Variants in DDR2 observed in about 807,000 individuals in gnomAD.
DDR2 encodes discoidin domain-containing receptor 2.
DDR2 carries 27 observed loss-of-function variants against 94.9 expected under a neutral mutation model. That is an observed-to-expected ratio of 0.28 (90% CI 0.21 to 0.39). The LOEUF (loss-of-function observed/expected upper bound fraction) is 0.39. Ranked by LOEUF, DDR2 falls within the 10% of genes least tolerant of loss-of-function variation. The pLI is 1.00. For synonymous variants in DDR2, 382 were observed against 377.2 expected, an observed-to-expected ratio of 1.01 and a Z score of -0.15; for missense variants, 783 against 1,076.0, an observed-to-expected ratio of 0.73 and a Z score of 3.81.
chr1:162,652,509 C>T (rs1387760598), intron 1 of DDR2, among the ~76,000 whole-genome samples: 2 of 152,140 alleles, frequency 1.3e-5, no homozygotes, highest in Non-Finnish European at 1.5e-5. Context: ...TCTACATTCC[C>T]AGACTTCCTA....
At chr1:162,762,707 A>T (rs1663804141) in intron 9 of DDR2, among the ~76,000 whole-genome samples, 1 of 152,206 alleles carries the variant, frequency 6.6e-6, no homozygotes, top group African/African-American at 2.4e-5. Flanking sequence ...CAGAGTAATG[A>T]CTTGATACCG....
intron 3 of DDR2, among the ~76,000 whole-genome samples, chr1:162,726,005 A>G (rs1281387452): frequency 6.6e-5 from 10 of 152,220 alleles, no homozygotes; most frequent in Admixed American, 6.5e-4. Flanking sequence ...AGACCTAACC[A>G]GGCTTTGCCT....
chr1:162,692,120 C>G (rs972905629), intron 2 of DDR2, among the ~76,000 whole-genome samples: 3 of 152,222 alleles, frequency 2.0e-5, no homozygotes, highest in African/African-American at 7.2e-5. Context: ...ACCTTCTGCT[C>G]TAGTGAGTCC....
At chr1:162,768,930 GT>G (rs1664128682) in intron 11 of DDR2, among the ~76,000 whole-genome samples, 1 of 152,214 alleles carries the variant, frequency 6.6e-6, no homozygotes, top group Non-Finnish European at 1.5e-5. Flanking sequence ...AAACACTAGT[GT>G]TTAATGAGGT....
intron 2 of DDR2, among the ~76,000 whole-genome samples, chr1:162,702,812 C>T (rs1273616054): frequency 1.3e-5 from 2 of 152,194 alleles, no homozygotes; most frequent in African/African-American, 2.4e-5. Context: ...ATTAGTTCAG[C>T]AGCTGGTCAG....
intron 2 of DDR2, among the ~76,000 whole-genome samples, chr1:162,699,402 G>A (rs1313276935): frequency 1.3e-5 from 2 of 152,142 alleles, no homozygotes; most frequent in South Asian, 4.1e-4. Context: ...AATATCACCT[G>A]TTTAAGGAAT....
upstream of DDR2, chr1:162,632,461 T>G (rs1390816224): frequency 6.6e-6 from 1 of 152,160 alleles, no homozygotes; most frequent in Non-Finnish European, 1.5e-5. Flanking sequence ...GTGAGGTTTC[T>G]CTCAAAGGCA....
At chr1:162,723,415 C>T (rs902682001) in intron 3 of DDR2, among the ~76,000 whole-genome samples, 2 of 152,254 alleles carry the variant, frequency 1.3e-5, no homozygotes, top group East Asian at 3.9e-4. Context: ...CAATCATGCA[C>T]AAAAATACGG....
At chr1:162,766,748 A>G (rs970802762) in intron 10 of DDR2, among the ~76,000 whole-genome samples, 1 of 152,066 alleles carries the variant, frequency 6.6e-6, no homozygotes, top group African/African-American at 2.4e-5. Context: ...CAAAGTAATA[A>G]ACAGATTGGG....
chr1:162,713,938 A>C (rs981902934), intron 2 of DDR2, among the ~76,000 whole-genome samples: 2 of 152,182 alleles, frequency 1.3e-5, no homozygotes, highest in African/African-American at 2.4e-5. Context: ...AGAGTATGAG[A>C]GTATGCATTT....
At chr1:162,707,143 A>C (rs16843702) in intron 2 of DDR2, among the ~76,000 whole-genome samples, 6,194 of 152,158 alleles carry the variant, frequency 0.041, 205 homozygotes, top group East Asian at 0.18. Context: ...AGAGCCTTCA[A>C]TCTTAGTGTC....
chr1:162,695,982 A>G (rs1660167297), intron 2 of DDR2, among the ~76,000 whole-genome samples: 1 of 152,174 alleles, frequency 6.6e-6, no homozygotes, highest in South Asian at 2.1e-4. Flanking sequence ...CAAGGCTACT[A>G]ACGACTAGGT....
At position 162,770,525 on chromosome 1, in the gene DDR2, T is replaced by G; in HGVS notation, c.1504+13T>G. ...GAGGAGGAGTCAGGTGAGGATGATGTGGTGGGCAGGGTGTCAAGGGAGAAA... is the reference window on the plus strand; with the variant it reads ...GAGGAGGAGTCAGGTGAGGATGATGGGGTGGGCAGGGTGTCAAGGGAGAAA... On this transcript the variant is annotated intron_variant, in intron 12 of 17. Transcript: ENST00000367921. 6.2e-7 allele frequency: 1 copy of G among 1,613,792 alleles called. No individual in the cohort carries two copies. The highest frequency in any genetic ancestry group is 8.5e-7 in the Non-Finnish European group (1 of 1,179,772).
intron 16 of DDR2, chr1:162,777,738 G>A (rs926667480): frequency 6.6e-6 from 1 of 152,208 alleles, no homozygotes; most frequent in African/African-American, 2.4e-5. Flanking sequence ...TAACTGGCAT[G>A]GTGGTATGTA....
chr1:162,649,002 C>T (rs1251279417), intron 1 of DDR2, among the ~76,000 whole-genome samples: 1 of 152,040 alleles, frequency 6.6e-6, no homozygotes, highest in Non-Finnish European at 1.5e-5. Context: ...CACTCCCCAA[C>T]CTTATCCCAT....
chr1:162,770,202 A>G (rs936665487), intron 11 of DDR2, 100 bp from the exon 12 acceptor site: 22 of 1,169,238 alleles, frequency 1.9e-5, no homozygotes, highest in African/African-American at 3.0e-5. Flanking sequence ...ACAGTAGTAA[A>G]GAGTTATTTC....
At chr1:162,663,126 C>A (rs904926825) in intron 2 of DDR2, among the ~76,000 whole-genome samples, 1 of 152,150 alleles carries the variant, frequency 6.6e-6, no homozygotes, top group African/African-American at 2.4e-5. Flanking sequence ...CTCCTGCCCC[C>A]CAAATCTCCC....
intron 2 of DDR2, among the ~76,000 whole-genome samples, chr1:162,702,324 A>G (rs1660469195): frequency 6.6e-6 from 1 of 152,080 alleles, no homozygotes; most frequent in African/African-American, 2.4e-5. Context: ...GGTATCTTTT[A>G]CCTTCTCCTC....
At chr1:162,774,029 CT>C (rs1647379910) in intron 14 of DDR2, among the ~76,000 whole-genome samples, 1 of 137,272 alleles carries the variant, frequency 7.3e-6, no homozygotes. Flanking sequence ...TTTCTCATCC[CT>C]TTTTTCTCTT....
Sources: gnomAD v4.1 joint callset for allele counts (sites outside exome capture counted in the v4.1 genomes callset) on GRCh38, gnomAD v4.1.1 for gene constraint, MANE v1.5 for transcripts, NCBI Gene and HGNC (gene_info 2026-07-23, HGNC 2026-07-21) for gene names.